Variants in ZNF385B observed in about 807,000 individuals in gnomAD.
The protein encoded by ZNF385B is zinc finger protein 385B.
ZNF385B carries 23 observed loss-of-function variants against 39.2 expected under a neutral mutation model. The observed-to-expected ratio is 0.59, with a 90% CI of 0.42 to 0.83. The LOEUF (loss-of-function observed/expected upper bound fraction) is 0.83, where lower values mean the gene tolerates loss of function less well. Ranked by LOEUF, ZNF385B falls within the 40% of genes least tolerant of loss-of-function variation. ZNF385B has a pLI of 0.00. For synonymous variants in ZNF385B, 205 were observed against 222.6 expected (o/e 0.92, Z 0.70); for missense variants, 552 against 598.9 (o/e 0.92, Z 0.82).
At chr2:179,536,449 C>T (rs1559427889) in intron 4 of ZNF385B, 1 of 152,168 alleles carries the variant, frequency 6.6e-6, no homozygotes, top group Non-Finnish European at 1.5e-5. Flanking sequence ...AACCATGTGA[C>T]ATTGGGACTA....
chr2:179,823,566 T>G (rs1304557834), intron 1 of ZNF385B, among the ~76,000 whole-genome samples: 2 of 152,162 alleles, frequency 1.3e-5, no homozygotes. Flanking sequence ...TCAGGATTTT[T>G]TTTCCTCCCA....
intron 3 of ZNF385B, chr2:179,746,050 T>C (rs1466672965): frequency 3.8e-6 from 4 of 1,064,188 alleles, no homozygotes; most frequent in Admixed American, 5.4e-5. Flanking sequence ...ACTGTCAATG[T>C]ACAAGTCTGA....
intron 3 of ZNF385B, among the ~76,000 whole-genome samples, chr2:179,676,707 C>T (rs16866916): frequency 1.1e-4 from 17 of 152,012 alleles, no homozygotes; most frequent in African/African-American, 2.4e-4. Flanking sequence ...AAGAAGTGGA[C>T]GGATTAGAGT....
chr2:179,491,059 T>C (rs2055171554), intron 5 of ZNF385B, among the ~76,000 whole-genome samples: 1 of 152,206 alleles, frequency 6.6e-6, no homozygotes, highest in African/African-American at 2.4e-5. Context: ...ATGAATACTG[T>C]AAATTATAGA....
intron 6 of ZNF385B, among the ~76,000 whole-genome samples, chr2:179,455,879 C>CAAA (rs58336646): frequency 1.6e-5 from 2 of 123,880 alleles, no homozygotes; most frequent in Non-Finnish European, 3.4e-5. Context: ...GACTGCATCT[C>CAAA]AAAAAAAAAA....
At chr2:179,712,378 G>A (rs7582108) in intron 3 of ZNF385B, among the ~76,000 whole-genome samples, 25,182 of 152,026 alleles carry the variant, frequency 0.17, 2,520 homozygotes, top group East Asian at 0.48. Flanking sequence ...GTTCATGCAC[G>A]AAACAGAATA....
chr2:179,679,132 T>C (rs759224635), intron 3 of ZNF385B, among the ~76,000 whole-genome samples: 54 of 152,210 alleles, frequency 3.5e-4, no homozygotes, highest in Non-Finnish European at 3.7e-4. Flanking sequence ...AGTCAATGAC[T>C]GAACTGCAGT....
chr2:179,704,765 T>C (rs1252984484), intron 3 of ZNF385B, among the ~76,000 whole-genome samples: 1 of 152,208 alleles, frequency 6.6e-6, no homozygotes, highest in Non-Finnish European at 1.5e-5. Flanking sequence ...CAACTTAGAA[T>C]TGTAGGAATT....
intron 3 of ZNF385B, among the ~76,000 whole-genome samples, chr2:179,696,342 T>TTTTTTTTTTTTTTTTTTTTC (rs1311479868): frequency 7.4e-6 from 1 of 135,144 alleles, no homozygotes; most frequent in Non-Finnish European, 1.6e-5. Flanking sequence ...TTTTTTTTTT[T>TTTTTTTTTTTTTTTTTTTTC]TTTTTTTGCA....
chr2:179,781,425 T>C (rs1267343637), intron 1 of ZNF385B, among the ~76,000 whole-genome samples: 1 of 152,200 alleles, frequency 6.6e-6, no homozygotes, highest in African/African-American at 2.4e-5. Context: ...GTAATTTCAA[T>C]GAATGGAGTA....
chr2:179,805,930 G>T lies in ZNF385B; in HGVS notation c.-154-35258C>A, dbSNP rs769109295. The stretch of plus-strand genomic sequence containing the variant: ...TAGACATAAAAATAAATTCCAGAGA[G>T]AATTTTGCTTTTAAAACACAAAAAC... On this transcript the variant is annotated intron_variant, in intron 1 of 9. Transcript: ENST00000410066. Among the ~76,000 whole-genome samples the T allele has an allele frequency of 9.9e-5, 15 of 152,266 alleles. 1 individual carries two copies. The Middle Eastern group carries it at 0.01, about 104-fold the overall frequency.
At chr2:179,539,202 TG>T (rs1004102652) in intron 4 of ZNF385B, among the ~76,000 whole-genome samples, 2 of 152,218 alleles carry the variant, frequency 1.3e-5, no homozygotes, top group Admixed American at 6.5e-5. Context: ...GCTGTCTTCC[TG>T]GGCTTGCAGC....
Position 179,443,431 on chromosome 2 carries a change from A to C in ZNF385B, c.1280T>G (p.Leu427Trp), listed in dbSNP as rs1284114325. ...LAFQKDMMKP[L>W]APAFLSSPLA... ...AGGTGAGGACAGGAAGGCTGGGGCC[A>C]AAGGCTTCATCATATCTTTCTGGAA... is the stretch of plus-strand genomic sequence containing the variant. Residue 427 changes from leucine to tryptophan, a missense_variant, in exon 10 of 10, where the codon TTG (leucine) becomes TGG (tryptophan). Leu to Trp is a moderately conservative substitution (Grantham distance 61, BLOSUM62 -2). Coordinates refer to ENST00000410066, the MANE Select transcript of ZNF385B (RefSeq NM_152520.6). 1.2e-6 allele frequency: 2 copies of C among 1,609,192 alleles called. No individual in the cohort carries two copies. The highest frequency in any genetic ancestry group is 3.4e-5 in the Admixed American group (2 of 59,212).
intron 1 of ZNF385B, among the ~76,000 whole-genome samples, chr2:179,806,963 T>A (rs1706389873): frequency 6.6e-6 from 1 of 152,176 alleles, no homozygotes; most frequent in Admixed American, 6.5e-5. Flanking sequence ...GCAATGGCAA[T>A]CCATACGCTT....
chr2:179,676,787 G>A (rs931663022), intron 3 of ZNF385B, among the ~76,000 whole-genome samples: 1 of 152,146 alleles, frequency 6.6e-6, no homozygotes, highest in East Asian at 1.9e-4. Context: ...AGGCATTTTT[G>A]TTGTCACCAC....
At chr2:179,639,048 C>T (rs1054792070) in intron 3 of ZNF385B, among the ~76,000 whole-genome samples, 3 of 151,724 alleles carry the variant, frequency 2.0e-5, no homozygotes, top group African/African-American at 4.8e-5. Flanking sequence ...ACAACAATCC[C>T]ATCTCTACAA....
chr2:179,670,155 G>A (rs1362516978), intron 3 of ZNF385B, among the ~76,000 whole-genome samples: 4 of 152,044 alleles, frequency 2.6e-5, no homozygotes, highest in Non-Finnish European at 5.9e-5. Context: ...AGCCGGGCGT[G>A]ATGGCGGGCG....
intron 1 of ZNF385B, among the ~76,000 whole-genome samples, chr2:179,844,324 G>A (rs192253678): frequency 1.5e-3 from 224 of 152,260 alleles, no homozygotes; most frequent in African/African-American, 5.0e-3. Context: ...TCACAATAAA[G>A]GTGGGTTCTA....
chr2:179,644,812 A>T (rs760823296), intron 3 of ZNF385B, among the ~76,000 whole-genome samples: 14 of 149,618 alleles, frequency 9.4e-5, no homozygotes, highest in Non-Finnish European at 2.1e-4. Flanking sequence ...CCTAAAAAGC[A>T]TCCCTTTGAG....
Sources: gnomAD v4.1 joint callset for allele counts (sites outside exome capture counted in the v4.1 genomes callset) on GRCh38, gnomAD v4.1.1 for gene constraint, MANE v1.5 for transcripts, NCBI Gene and HGNC (gene_info 2026-07-23, HGNC 2026-07-21) for gene names.